Variants in AKAIN1 observed in about 807,000 individuals in gnomAD.
AKAIN1 encodes the protein A-kinase anchor protein inhibitor 1.
Under a neutral mutation model 3.7 loss-of-function variants are expected in AKAIN1, and 3 were observed. That is an observed-to-expected ratio of 0.82 (90% CI 0.37 to 2.12). The LOEUF is 2.12. AKAIN1 is among the 30% of genes most tolerant of loss of function. The pLI is 0.06. For synonymous variants in AKAIN1, 31 were observed against 30.8 expected (o/e 1.01, Z -0.02); for missense variants, 82 against 82.7 (o/e 0.99, Z 0.03).
At chr18:5,169,340 A>G (rs1030216475) in intron 1 of AKAIN1, among the ~76,000 whole-genome samples, 1 of 152,252 alleles carries the variant, frequency 6.6e-6, no homozygotes, top group South Asian at 2.1e-4. Flanking sequence ...TGGCCAATCA[A>G]CTGGAGACCA....
chr18:5,173,176 A>C (rs1368211383), intron 1 of AKAIN1, among the ~76,000 whole-genome samples: 1 of 152,144 alleles, frequency 6.6e-6, no homozygotes, highest in African/African-American at 2.4e-5. Flanking sequence ...ACAGCTACAT[A>C]ATATATGCAA....
chr18:5,145,622 G>C lies in AKAIN1; in HGVS notation c.150C>G (p.Asp50Glu). 6.4e-7 allele frequency: 1 copy of C among 1,551,674 alleles called. No individual in the cohort carries two copies. The highest frequency in any genetic ancestry group is 8.7e-7 in the Non-Finnish European group (1 of 1,146,954). The change falls in exon 2 of 2, where the codon GAC becomes GAG. Residue 50 changes from aspartate to glutamate, a missense_variant. By Grantham distance (45) the Asp-to-Glu change is conservative. Transcript: ENST00000434239. ...ESQRREERIS[D>E]NRDHIQLGVG... The stretch of plus-strand genomic sequence containing the variant: ...CGCCCAGTTGGATGTGGTCCCGGTT[G>C]TCACTGATTCTCTCTTCTCTGCGCT...
chr18:5,145,828 G>T (rs1231394860), intron 1 of AKAIN1, 73 bp from the exon 2 acceptor site: 1 of 1,300,008 alleles, frequency 7.7e-7, no homozygotes, highest in African/African-American at 1.5e-5. Context: ...AAAGGTAGAG[G>T]AGAAAGATGG....
intron 1 of AKAIN1, among the ~76,000 whole-genome samples, chr18:5,194,215 T>C (rs1375228363): frequency 6.6e-6 from 1 of 152,118 alleles, no homozygotes; most frequent in African/African-American, 2.4e-5. Flanking sequence ...AGTAATTAAC[T>C]CCTTAAAAAA....
chr18:5,149,856 G>C (rs1221628536), intron 1 of AKAIN1, among the ~76,000 whole-genome samples: 1 of 151,920 alleles, frequency 6.6e-6, no homozygotes, highest in Non-Finnish European at 1.5e-5. Flanking sequence ...TTTTGTTTTT[G>C]TTTTTTTCTG....
chr18:5,192,803 G>A (rs1259800086), intron 1 of AKAIN1, among the ~76,000 whole-genome samples: 2 of 152,028 alleles, frequency 1.3e-5, no homozygotes, highest in Non-Finnish European at 2.9e-5. Context: ...GAGGGGGAAG[G>A]GGGAACGGTT....
chr18:5,189,301 C>T (rs1445053683), intron 1 of AKAIN1, among the ~76,000 whole-genome samples: 1 of 152,170 alleles, frequency 6.6e-6, no homozygotes. Context: ...TAGCACCTGG[C>T]ATCCTTCTAT....
rs1441545981 is a variant in AKAIN1 at position 5,145,604 on chromosome 18, T to C, written c.168A>G (p.Gln56=). The part of the protein sequence containing the change: ...ERISDNRDHI[Q]LGVGELTKKH... ...TCTTGGTTAACTCCCCAACGCCCAG[T>C]TGGATGTGGTCCCGGTTGTCACTGA... is the stretch of plus-strand genomic sequence containing the variant. Residue 56 remains glutamine, a synonymous_variant, in exon 2 of 2, where the codon CAA becomes CAG. Transcript: ENST00000434239. 2.0e-5 allele frequency: 31 copies of C among 1,551,492 alleles called. No homozygotes were observed. The highest frequency in any genetic ancestry group is 1.7e-4 in the Middle Eastern group (1 of 6,006).
At chr18:5,148,257 A>C (rs2071060419) in intron 1 of AKAIN1, among the ~76,000 whole-genome samples, 1 of 152,224 alleles carries the variant, frequency 6.6e-6, no homozygotes, top group Non-Finnish European at 1.5e-5. Context: ...CCAGTGTGTA[A>C]GTAGCTCTGC....
intron 1 of AKAIN1, among the ~76,000 whole-genome samples, chr18:5,168,691 G>A (rs918396310): frequency 3.3e-5 from 5 of 151,868 alleles, no homozygotes; most frequent in African/African-American, 1.2e-4. Context: ...GACAGACCAG[G>A]TAATATCATC....
At chr18:5,174,308 T>G (rs2071213832) in intron 1 of AKAIN1, among the ~76,000 whole-genome samples, 1 of 152,066 alleles carries the variant, frequency 6.6e-6, no homozygotes, top group Non-Finnish European at 1.5e-5. Flanking sequence ...ATAGGGACTG[T>G]GAGGACCACT....
At chr18:5,147,066 G>C (rs1208216866) in intron 1 of AKAIN1, among the ~76,000 whole-genome samples, 1 of 152,166 alleles carries the variant, frequency 6.6e-6, no homozygotes, top group Non-Finnish European at 1.5e-5. Context: ...TTCTGGAAAA[G>C]GGATGTAGAA....
intron 1 of AKAIN1, among the ~76,000 whole-genome samples, chr18:5,148,020 T>C (rs191179201): frequency 3.0e-4 from 45 of 152,332 alleles, no homozygotes; most frequent in African/African-American, 1.0e-3. Flanking sequence ...TCTTTGCATA[T>C]CTGTAAAATG....
intron 1 of AKAIN1, among the ~76,000 whole-genome samples, chr18:5,180,943 A>C (rs1452417272): frequency 6.6e-6 from 1 of 152,046 alleles, no homozygotes; most frequent in Non-Finnish European, 1.5e-5. Context: ...TTACATTCAT[A>C]ATTTCATGGT....
intron 1 of AKAIN1, among the ~76,000 whole-genome samples, chr18:5,190,704 C>A (rs1490767089): frequency 6.6e-6 from 1 of 152,154 alleles, no homozygotes; most frequent in East Asian, 1.9e-4. Context: ...AGTCCAAGAT[C>A]AAAGTGTCAA....
chr18:5,181,894 G>T (rs1486035384), intron 1 of AKAIN1, among the ~76,000 whole-genome samples: 2 of 152,022 alleles, frequency 1.3e-5, no homozygotes, highest in Admixed American at 6.6e-5. Flanking sequence ...AATACAAATT[G>T]ACCCTACCTA....
At chr18:5,165,516 G>C (rs973843606) in intron 1 of AKAIN1, among the ~76,000 whole-genome samples, 37 of 152,138 alleles carry the variant, frequency 2.4e-4, no homozygotes, top group African/African-American at 8.9e-4. Flanking sequence ...TCAGAGTACA[G>C]ATGGGAGTTT....
intron 1 of AKAIN1, among the ~76,000 whole-genome samples, chr18:5,155,323 A>T (rs2071101444): frequency 2.0e-5 from 3 of 152,100 alleles, no homozygotes; most frequent in Admixed American, 2.0e-4. Flanking sequence ...GGCTCATGCT[A>T]ACTCGGTTGT....
At chr18:5,153,080 G>A (rs574242822) in intron 1 of AKAIN1, among the ~76,000 whole-genome samples, 2 of 152,196 alleles carry the variant, frequency 1.3e-5, no homozygotes, top group African/African-American at 2.4e-5. Context: ...GTGAATTCTT[G>A]CCCTGGCCTT....
Sources: allele counts gnomAD v4.1 joint callset (sites outside exome capture counted in the v4.1 genomes callset), GRCh38; gene constraint gnomAD v4.1.1; transcripts MANE v1.5; gene names NCBI Gene and HGNC (gene_info 2026-07-23, HGNC 2026-07-21).